The following SGCD variants were observed in gnomAD, a reference collection of about 807,000 sequenced individuals.
SGCD encodes sarcoglycan delta, also known as delta-sarcoglycan.
In SGCD, 18 loss-of-function variants were observed where a neutral mutation model predicts 36.6. The ratio of observed to expected loss-of-function variants is 0.49; its 90% CI spans 0.34 to 0.73. The LOEUF (loss-of-function observed/expected upper bound fraction) is 0.73, where lower values mean the gene tolerates loss of function less well. Among genes scored for constraint, SGCD ranks in the 30% least tolerant of loss-of-function variants. The probability of loss-of-function intolerance (pLI) is 0.01; values close to 1 mark genes in which losing one functional copy is unlikely to be tolerated. For missense variants in SGCD, 387 were observed against 346.7 expected (o/e 1.12, Z -0.92); for synonymous variants, 133 against 130.6 (o/e 1.02, Z -0.12).
chr5:155,982,961 T>C (rs1316262197), intron 1 of SGCD, among the ~76,000 whole-genome samples: 1 of 152,176 alleles, frequency 6.6e-6, no homozygotes, highest in African/African-American at 2.4e-5. Context: ...TAGCTAGGGA[T>C]TTTCTATAGG....
chr5:156,446,126 C>T (rs1753747466), intron 3 of SGCD, among the ~76,000 whole-genome samples: 1 of 152,104 alleles, frequency 6.6e-6, no homozygotes. Flanking sequence ...CATCTGAGAT[C>T]CTGAACTCCA....
intron 1 of SGCD, among the ~76,000 whole-genome samples, chr5:156,070,016 T>G (rs143127902): frequency 0.026 from 4,021 of 152,032 alleles, 94 homozygotes; most frequent in South Asian, 0.062. Flanking sequence ...CTTATCAGCT[T>G]AAGGAGATTT....
chr5:156,734,168 T>C (rs911405198), intron 7 of SGCD, among the ~76,000 whole-genome samples: 1 of 152,200 alleles, frequency 6.6e-6, no homozygotes, highest in Non-Finnish European at 1.5e-5. Context: ...TGAAGAATTC[T>C]AGGTTGGAAT....
chr5:156,546,838 G>C (rs950443351), intron 4 of SGCD, among the ~76,000 whole-genome samples: 1 of 152,106 alleles, frequency 6.6e-6, no homozygotes, highest in Non-Finnish European at 1.5e-5. Flanking sequence ...AAATAGCATG[G>C]GATAAGTAAA....
At chr5:155,806,777 T>C in the SGCD span, among the ~76,000 whole-genome samples, 1 of 152,204 alleles carries the variant, frequency 6.6e-6, no homozygotes, top group African/African-American at 2.4e-5. Flanking sequence ...ATAGAAATCC[T>C]GTGTTTTTTA....
chr5:155,833,734 C>T, the SGCD span, among the ~76,000 whole-genome samples: 1 of 152,290 alleles, frequency 6.6e-6, no homozygotes, highest in Admixed American at 6.5e-5. Flanking sequence ...TTTAGAGACC[C>T]CCCTCATGTT....
At chr5:155,826,945 G>A in the SGCD span, among the ~76,000 whole-genome samples, 1 of 152,178 alleles carries the variant, frequency 6.6e-6, no homozygotes, top group Non-Finnish European at 1.5e-5. Flanking sequence ...CTCTATACGT[G>A]CTCAGGAAAT....
At chr5:155,825,390 AG>A in the SGCD span, among the ~76,000 whole-genome samples, 1 of 152,220 alleles carries the variant, frequency 6.6e-6, no homozygotes, top group African/African-American at 2.4e-5. Context: ...ACATATGTTC[AG>A]TGGGTAAATG....
intron 3 of SGCD, among the ~76,000 whole-genome samples, chr5:156,377,806 G>C (rs1312410645): frequency 6.6e-6 from 1 of 152,076 alleles, no homozygotes; most frequent in Non-Finnish European, 1.5e-5. Flanking sequence ...GTTGTTTCTG[G>C]TGTTGCATTT....
chr5:156,049,796 G>C lies in SGCD; in HGVS notation c.-281-68082G>C, dbSNP rs74922407. Among the ~76,000 whole-genome samples, 653 of 146,434 alleles carry C rather than the reference G, an allele frequency of 4.5e-3. 43 individuals carry two copies. The highest frequency in any genetic ancestry group is 0.015 in the African/African-American group (625 of 40,744). On this transcript the variant is annotated intron_variant, in intron 1 of 9. Coordinates refer to the SGCD transcript ENST00000517913. ...ATGACTTGGGAAAAAGTTGATTCCA[G>C]TATTAATGAGTGACTTTGAGGGGTT...
intron 3 of SGCD, among the ~76,000 whole-genome samples, chr5:156,140,837 C>T (rs1472037170): frequency 2.0e-5 from 3 of 152,192 alleles, no homozygotes; most frequent in East Asian, 1.9e-4. Flanking sequence ...AGAAGTTAGC[C>T]CCATGCTATT....
At chr5:156,740,825 C>T (rs1039888211) in intron 7 of SGCD, among the ~76,000 whole-genome samples, 1 of 152,208 alleles carries the variant, frequency 6.6e-6, no homozygotes, top group Non-Finnish European at 1.5e-5. Flanking sequence ...AAAAGCTCCC[C>T]TTGTGATTCT....
intron 1 of SGCD, among the ~76,000 whole-genome samples, chr5:155,880,422 A>G (rs567100148): frequency 6.6e-6 from 1 of 152,296 alleles, no homozygotes; most frequent in African/African-American, 2.4e-5. Flanking sequence ...CTTCCCACAG[A>G]TGTGGAGATG....
chr5:156,159,100 C>T lies in SGCD; in HGVS notation c.-44+35081C>T, dbSNP rs547788605. Among the ~76,000 whole-genome samples the T allele has an allele frequency of 5.3e-5, 8 of 151,674 alleles. No individual in the cohort carries two copies. The East Asian group carries it at 1.4e-3, about 26-fold the overall frequency. ...TAGCGTATGTGACCAGCACTCTGAG[C>T]CTCATTTCCACCATTATAGGAATGG... On this transcript the variant is annotated intron_variant, in intron 3 of 9. Transcript: ENST00000517913.
chr5:156,078,824 T>G (rs1394124235), intron 1 of SGCD, among the ~76,000 whole-genome samples: 1 of 150,462 alleles, frequency 6.6e-6, no homozygotes, highest in Non-Finnish European at 1.5e-5. Context: ...TTATTCAGGT[T>G]TTTGCAGTTT....
chr5:156,118,933 G>A (rs1002208429), intron 2 of SGCD, among the ~76,000 whole-genome samples: 2 of 152,058 alleles, frequency 1.3e-5, no homozygotes, highest in South Asian at 4.1e-4. Context: ...GTTACAGTTG[G>A]ACACCTAGAT....
intron 4 of SGCD, among the ~76,000 whole-genome samples, chr5:156,515,587 G>A (rs1384533335): frequency 1.3e-5 from 2 of 152,170 alleles, no homozygotes; most frequent in African/African-American, 4.8e-5. Context: ...AAGGAGCAGA[G>A]AGCGATTGTG....
intron 1 of SGCD, among the ~76,000 whole-genome samples, chr5:155,957,432 G>T (rs1397363386): frequency 6.6e-6 from 1 of 152,084 alleles, no homozygotes; most frequent in Non-Finnish European, 1.5e-5. Flanking sequence ...ATTCCTCAAG[G>T]CAGGATTACA....
At chr5:156,415,547 G>C (rs1772985209) in intron 3 of SGCD, among the ~76,000 whole-genome samples, 1 of 152,146 alleles carries the variant, frequency 6.6e-6, no homozygotes, top group South Asian at 2.1e-4. Flanking sequence ...TGCTTTGCAA[G>C]GTTCACATCC....
Sources: gnomAD v4.1 joint callset for allele counts (sites outside exome capture counted in the v4.1 genomes callset) on GRCh38, gnomAD v4.1.1 for gene constraint, MANE v1.5 for transcripts, NCBI Gene and HGNC (gene_info 2026-07-23, HGNC 2026-07-21) for gene names.